Variants in CTNNA3 observed in about 807,000 individuals in gnomAD.
The protein encoded by CTNNA3 is catenin alpha 3.
In CTNNA3, 76 loss-of-function variants were observed where a neutral mutation model predicts 95.7. The observed-to-expected ratio is 0.79, with a 90% CI of 0.66 to 0.96. The LOEUF is 0.96. CTNNA3 is among the 40% of genes least tolerant of loss of function. The pLI is 0.00. For missense variants in CTNNA3, 1,191 were observed against 1,089.8 expected (o/e 1.09, Z -1.31); for synonymous variants, 431 against 374.4 (o/e 1.15, Z -1.74).
chr10:66,888,694 G>A (rs1187829439), intron 7 of CTNNA3, among the ~76,000 whole-genome samples: 3 of 152,060 alleles, frequency 2.0e-5, no homozygotes, highest in Admixed American at 2.0e-4. Flanking sequence ...TATTAGAATG[G>A]TTAAAATCCA....
At chr10:66,463,231 C>CT (rs2093541466) in intron 11 of CTNNA3, among the ~76,000 whole-genome samples, 6 of 152,120 alleles carry the variant, frequency 3.9e-5, no homozygotes, top group Admixed American at 3.9e-4. Flanking sequence ...CATGAATGGC[C>CT]TGGTGCCCTT....
At chr10:66,692,224 A>C (rs1218171974) in intron 9 of CTNNA3, among the ~76,000 whole-genome samples, 1 of 152,162 alleles carries the variant, frequency 6.6e-6, no homozygotes, top group Non-Finnish European at 1.5e-5. Flanking sequence ...AAAAAAATTT[A>C]GATGAATGTA....
chr10:66,895,723 G>A (rs1485198911), intron 7 of CTNNA3, among the ~76,000 whole-genome samples: 1 of 151,952 alleles, frequency 6.6e-6, no homozygotes. Context: ...AAAGAAGCCA[G>A]GAGGATTAAT....
rs1385402789 is a variant in CTNNA3, at chr10:66,312,207, A to G, written c.1733-31586T>C. Among the ~76,000 whole-genome samples, 3 of 152,244 alleles carry G rather than the reference A, an allele frequency of 2.0e-5. No individual in the cohort carries two copies. The East Asian group carries it at 5.8e-4, about 29-fold the overall frequency. ...TATTCATGACACACTCTCCTGACTC[A>G]CTTGCTTGTGTGGCTGGTCTCCTTA... is the stretch of plus-strand genomic sequence containing the variant. On this transcript the variant is annotated intron_variant, in intron 12 of 17. Coordinates refer to ENST00000433211, the MANE Select transcript of CTNNA3 (RefSeq NM_013266.4).
At chr10:65,961,046 T>C (rs778132887) in intron 17 of CTNNA3, among the ~76,000 whole-genome samples, 1 of 152,110 alleles carries the variant, frequency 6.6e-6, no homozygotes, top group Non-Finnish European at 1.5e-5. Flanking sequence ...ATTCCATCAG[T>C]TGTAGTCTTA....
intron 7 of CTNNA3, among the ~76,000 whole-genome samples, chr10:66,946,732 C>T (rs1366146234): frequency 1.3e-5 from 2 of 152,000 alleles, no homozygotes; most frequent in Non-Finnish European, 2.9e-5. Context: ...CTACATATTT[C>T]TCATCTCTGT....
At chr10:66,369,233 G>C (rs1216533404) in intron 12 of CTNNA3, among the ~76,000 whole-genome samples, 2 of 152,120 alleles carry the variant, frequency 1.3e-5, no homozygotes, top group African/African-American at 2.4e-5. Context: ...CCATGAGCTA[G>C]AAATTTTGAT....
At chr10:66,109,661 T>A (rs187135615) in intron 13 of CTNNA3, among the ~76,000 whole-genome samples, 14 of 152,296 alleles carry the variant, frequency 9.2e-5, no homozygotes, top group Non-Finnish European at 5.9e-5. Context: ...CAAATAAGTA[T>A]GTAAACTGAA....
At chr10:65,998,541 G>A (rs928508940) in intron 15 of CTNNA3, among the ~76,000 whole-genome samples, 4 of 152,064 alleles carry the variant, frequency 2.6e-5, no homozygotes, top group East Asian at 1.9e-4. Context: ...AGAGAATAGC[G>A]CCCTGAAGAA....
intron 15 of CTNNA3, among the ~76,000 whole-genome samples, chr10:65,998,494 G>A (rs574141864): frequency 5.9e-5 from 9 of 152,140 alleles, no homozygotes; most frequent in Admixed American, 2.0e-4. Context: ...TGAATTTCTC[G>A]GTTTTAATTA....
chr10:66,587,223 G>T (rs1387056487), intron 10 of CTNNA3, among the ~76,000 whole-genome samples: 1 of 152,162 alleles, frequency 6.6e-6, no homozygotes, highest in Non-Finnish European at 1.5e-5. Context: ...GGTAATACTG[G>T]CAATGGCAAT....
intron 11 of CTNNA3, among the ~76,000 whole-genome samples, chr10:66,395,015 A>G (rs1564924722): frequency 1.3e-5 from 2 of 151,926 alleles, no homozygotes; most frequent in African/African-American, 4.8e-5. Flanking sequence ...GTTTTTATTT[A>G]TTTTTTCCCC....
chr10:66,222,928 G>A (rs934215952), intron 13 of CTNNA3, among the ~76,000 whole-genome samples: 1 of 151,938 alleles, frequency 6.6e-6, no homozygotes, highest in Non-Finnish European at 1.5e-5. Context: ...GTTTTTTAAA[G>A]TTGCTTTGTA....
chr10:67,031,172 A>AT (rs1433473909), intron 7 of CTNNA3, among the ~76,000 whole-genome samples: 1 of 152,244 alleles, frequency 6.6e-6, no homozygotes, highest in African/African-American at 2.4e-5. Context: ...TTCCAGGTAT[A>AT]AATAAAACCC....
chr10:67,019,215 T>A (rs982554618), intron 7 of CTNNA3, among the ~76,000 whole-genome samples: 3 of 152,206 alleles, frequency 2.0e-5, no homozygotes, highest in Admixed American at 6.5e-5. Context: ...TTTTTAATTT[T>A]ATTTTATTAT....
At chr10:66,777,801 A>ACATG (rs1554851012) in intron 7 of CTNNA3, among the ~76,000 whole-genome samples, 2 of 142,094 alleles carry the variant, frequency 1.4e-5, no homozygotes, top group African/African-American at 5.3e-5. Context: ...ACACACATGC[A>ACATG]CACACACACA....
intron 7 of CTNNA3, among the ~76,000 whole-genome samples, chr10:66,917,357 G>GA (rs1846545367): frequency 6.6e-6 from 1 of 152,158 alleles, no homozygotes; most frequent in South Asian, 2.1e-4. Context: ...GTTCAACTGG[G>GA]AATGGCCACA....
intron 10 of CTNNA3, among the ~76,000 whole-genome samples, chr10:66,522,525 G>T (rs571970549): frequency 6.6e-6 from 1 of 151,810 alleles, no homozygotes; most frequent in East Asian, 1.9e-4. Flanking sequence ...TTCCCCTTTT[G>T]CTCAGCACTT....
chr10:67,344,885 G>A (rs931845333), intron 5 of CTNNA3, among the ~76,000 whole-genome samples: 2 of 151,148 alleles, frequency 1.3e-5, no homozygotes, highest in African/African-American at 4.8e-5. Flanking sequence ...TACTAATGTG[G>A]GGTTTGCATT....
Sources: gnomAD v4.1 joint callset for allele counts (sites outside exome capture counted in the v4.1 genomes callset) on GRCh38, gnomAD v4.1.1 for gene constraint, MANE v1.5 for transcripts, NCBI Gene and HGNC (gene_info 2026-07-23, HGNC 2026-07-21) for gene names.